The following STK3 variants were observed in gnomAD, a reference collection of about 807,000 sequenced individuals.
The protein encoded by STK3 is serine/threonine kinase 3.
STK3 carries 41 observed loss-of-function variants against 58.0 expected under a neutral mutation model. The ratio of observed to expected loss-of-function variants is 0.71; its 90% CI spans 0.55 to 0.92. STK3 has a LOEUF of 0.92. Ranked by LOEUF, STK3 falls within the 40% of genes least tolerant of loss-of-function variation. STK3 has a pLI of 0.00. For synonymous variants in STK3, 170 were observed against 191.0 expected, an observed-to-expected ratio of 0.89 and a Z score of 0.91; for missense variants, 479 against 602.7, an observed-to-expected ratio of 0.79 and a Z score of 2.15.
intron 3 of STK3, among the ~76,000 whole-genome samples, chr8:98,867,186 T>C (rs1005823481): frequency 9.9e-5 from 15 of 152,084 alleles, no homozygotes; most frequent in African/African-American, 3.6e-4. Context: ...GGAGGCTAGG[T>C]GGGTAGATTG....
chr8:98,476,593 T>C (rs973211729), intron 10 of STK3, among the ~76,000 whole-genome samples: 11 of 152,310 alleles, frequency 7.2e-5, no homozygotes, highest in Admixed American at 6.5e-4. Context: ...GACAATCATG[T>C]TATAAAATGA....
chr8:98,659,514 T>C lies in STK3; in HGVS notation c.684+46953A>G, dbSNP rs996939354. Reference sequence around the variant, plus strand: ...TTTTGATGGAATTACTTAACTTTTTTTTTTTTTACTTTCATAACAAATTAA... The same window carrying C: ...TTTTGATGGAATTACTTAACTTTTTCTTTTTTTACTTTCATAACAAATTAA... On this transcript the variant is annotated intron_variant, in intron 6 of 10. Coordinates refer to ENST00000419617, the MANE Select transcript of STK3 (RefSeq NM_006281.4). 9.2e-5 allele frequency among the ~76,000 whole-genome samples: 14 copies of C among 152,104 alleles called. No individual in the cohort carries two copies. In the East Asian group the frequency reaches 2.3e-3, roughly 25 times the overall value.
At chr8:98,630,693 G>A (rs1487890144) in intron 6 of STK3, among the ~76,000 whole-genome samples, 2 of 143,138 alleles carry the variant, frequency 1.4e-5, no homozygotes, top group Non-Finnish European at 3.0e-5. Flanking sequence ...AGAAGGAGAA[G>A]AAGGAGGAGA....
chr8:98,743,655 C>T (rs926768450), intron 4 of STK3, among the ~76,000 whole-genome samples: 1 of 152,078 alleles, frequency 6.6e-6, no homozygotes, highest in Admixed American at 6.5e-5. Flanking sequence ...TAGGCATTAC[C>T]ATTCAGGACA....
chr8:98,707,095 C>A, intron 5 of STK3, 52 bp downstream of exon 5: 2 of 1,525,196 alleles, frequency 1.3e-6, no homozygotes, highest in East Asian at 2.4e-5. Flanking sequence ...TAGTTATAAT[C>A]AAATCTGAAC....
chr8:98,674,525 G>C (rs1256034400), intron 6 of STK3, among the ~76,000 whole-genome samples: 2 of 151,576 alleles, frequency 1.3e-5, no homozygotes, highest in Non-Finnish European at 2.9e-5. Flanking sequence ...TCATTTTTGA[G>C]GCAAAAAAAG....
intron 3 of STK3, among the ~76,000 whole-genome samples, chr8:98,753,912 T>C (rs1031600531): frequency 1.3e-5 from 2 of 152,190 alleles, no homozygotes; most frequent in Admixed American, 1.3e-4. Flanking sequence ...CTATGCTACA[T>C]ACAGTTGACA....
chr8:98,355,875 T>C, the STK3 span, among the ~76,000 whole-genome samples: 1 of 152,248 alleles, frequency 6.6e-6, no homozygotes, highest in Admixed American at 6.5e-5. Flanking sequence ...TAACCAGTTC[T>C]GGTCATTATG....
chr8:98,741,874 A>C (rs1022089402), intron 4 of STK3, among the ~76,000 whole-genome samples: 2 of 152,290 alleles, frequency 1.3e-5, no homozygotes, highest in South Asian at 2.1e-4. Context: ...ATCAAATAGA[A>C]GCAATAAAAA....
chr8:98,743,573 C>A (rs1587490191), intron 4 of STK3, among the ~76,000 whole-genome samples: 2 of 152,116 alleles, frequency 1.3e-5, no homozygotes, highest in South Asian at 4.1e-4. Flanking sequence ...ACACTTTATA[C>A]AAAAATTAAT....
At chr8:98,525,712 A>G (rs1047396307) in intron 10 of STK3, among the ~76,000 whole-genome samples, 5 of 152,086 alleles carry the variant, frequency 3.3e-5, no homozygotes, top group African/African-American at 1.2e-4. Context: ...AATATTTGCT[A>G]GCAATTAGTA....
At chr8:98,575,705 C>T (rs780180587) in intron 8 of STK3, among the ~76,000 whole-genome samples, 8 of 150,956 alleles carry the variant, frequency 5.3e-5, no homozygotes, top group Admixed American at 1.3e-4. Context: ...TTCCTGGGCT[C>T]GGGCGATCCA....
chr8:98,353,147 T>C, the STK3 span, among the ~76,000 whole-genome samples: 2 of 152,234 alleles, frequency 1.3e-5, 1 homozygote, highest in Admixed American at 1.3e-4. Flanking sequence ...AAATGTTATA[T>C]AAAATTACGT....
At chr8:98,624,474 A>G (rs991298128) in intron 6 of STK3, among the ~76,000 whole-genome samples, 37 of 152,210 alleles carry the variant, frequency 2.4e-4, no homozygotes, top group African/African-American at 8.4e-4. Flanking sequence ...AATAGCTACT[A>G]TACTTATTAC....
chr8:98,486,362 T>C lies in STK3; in HGVS notation c.1318-30362A>G, dbSNP rs368624517. On this transcript the variant is annotated intron_variant, in intron 10 of 10. Transcript: ENST00000419617. ...GACATACAAACAACTAAAGTGACAA[T>C]GATCTGATGTAACTGGACCTATATT... Among the ~76,000 whole-genome samples the C allele has an allele frequency of 1.3e-4, 20 of 152,290 alleles. No homozygotes were observed. In the East Asian group the frequency reaches 3.9e-3, roughly 29 times the overall value.
chr8:98,552,348 GCCT>G (rs1415236759), intron 8 of STK3, among the ~76,000 whole-genome samples: 1 of 151,952 alleles, frequency 6.6e-6, no homozygotes, highest in African/African-American at 2.4e-5. Flanking sequence ...TCTGCATTTG[GCCT>G]CCTATCACAC....
At chr8:98,379,495 G>A (rs1223904733) in intron 1 of STK3, among the ~76,000 whole-genome samples, 1 of 152,126 alleles carries the variant, frequency 6.6e-6, no homozygotes, top group Non-Finnish European at 1.5e-5. Context: ...CTCACAGATT[G>A]CTCCCACACT....
chr8:98,732,814 C>T (rs750206507), intron 4 of STK3, among the ~76,000 whole-genome samples: 1 of 152,022 alleles, frequency 6.6e-6, no homozygotes, highest in Admixed American at 6.5e-5. Context: ...AATAAATACA[C>T]TGAGTAAGAA....
At chr8:98,863,443 G>A (rs1837006998) in intron 3 of STK3, among the ~76,000 whole-genome samples, 2 of 152,026 alleles carry the variant, frequency 1.3e-5, no homozygotes, top group South Asian at 4.2e-4. Context: ...ATATAATAGA[G>A]ATAACAGTAG....
Sources: allele counts gnomAD v4.1 joint callset (sites outside exome capture counted in the v4.1 genomes callset), GRCh38; gene constraint gnomAD v4.1.1; transcripts MANE v1.5; gene names NCBI Gene and HGNC (gene_info 2026-07-23, HGNC 2026-07-21).